GNAQ: variants seen among roughly 807,000 people sequenced by gnomAD.
GNAQ encodes guanine nucleotide-binding protein G(q) subunit alpha.
In GNAQ, 8 loss-of-function variants were observed where a neutral mutation model predicts 43.9. The ratio of observed to expected loss-of-function variants is 0.18; its 90% confidence interval spans 0.11 to 0.33. The LOEUF is 0.33. Among genes scored for constraint, GNAQ ranks in the 10% least tolerant of loss-of-function variants. GNAQ has a pLI of 1.00. For missense variants in GNAQ, 158 were observed against 450.8 expected (o/e 0.35, Z 5.88); for synonymous variants, 155 against 170.7 (o/e 0.91, Z 0.71).
intron 1 of GNAQ, among the ~76,000 whole-genome samples, chr9:77,938,004 T>G (rs11145621): frequency 0.3 from 45,055 of 151,998 alleles, 6,870 homozygotes; most frequent in South Asian, 0.43. Context: ...AAGGGGATTG[T>G]TTCCAGGACA....
intron 3 of GNAQ, among the ~76,000 whole-genome samples, chr9:77,799,112 T>C (rs1045380211): frequency 2.6e-5 from 4 of 152,140 alleles, no homozygotes; most frequent in African/African-American, 7.2e-5. Context: ...TAGAATTGAG[T>C]GGTATCTTCA....
At chr9:77,965,594 G>A (rs778992437) in intron 1 of GNAQ, among the ~76,000 whole-genome samples, 5 of 152,086 alleles carry the variant, frequency 3.3e-5, no homozygotes, top group Non-Finnish European at 7.4e-5. Context: ...AAGCACATGA[G>A]AAACTACTCA....
chr9:77,872,758 T>A (rs546630867), intron 2 of GNAQ, among the ~76,000 whole-genome samples: 17 of 152,310 alleles, frequency 1.1e-4, no homozygotes, highest in Admixed American at 8.5e-4. Context: ...CCTGTTTCTG[T>A]ATTTTTAATA....
chr9:77,941,509 A>AG (rs761647304), intron 1 of GNAQ, among the ~76,000 whole-genome samples: 4 of 152,184 alleles, frequency 2.6e-5, no homozygotes, highest in Non-Finnish European at 5.9e-5. Flanking sequence ...TCGGCCTCCC[A>AG]AAGTGCTGGG....
At chr9:77,863,785 G>A (rs1827900714) in intron 2 of GNAQ, among the ~76,000 whole-genome samples, 2 of 152,150 alleles carry the variant, frequency 1.3e-5, no homozygotes, top group South Asian at 4.1e-4. Flanking sequence ...TACATGGCTG[G>A]CAGCAGGCAA....
chr9:77,919,024 A>T (rs1456633449), intron 2 of GNAQ, among the ~76,000 whole-genome samples: 1 of 152,112 alleles, frequency 6.6e-6, no homozygotes, highest in East Asian at 1.9e-4. Context: ...GGTTCAAGCG[A>T]TTCTCCTGCC....
In GNAQ at chr9:78,024,250, C is replaced by G. The variant is rs567943974; in HGVS notation, c.136+6850G>C. Among the ~76,000 whole-genome samples, 4 of 152,202 alleles carry G rather than the reference C, an allele frequency of 2.6e-5. No individual in the cohort carries two copies. In the South Asian group the frequency reaches 8.3e-4, roughly 32 times the overall value. ...GGAAGGCAAGAAGGCAAAAACTGTT[C>G]CATCTTTAAAACGGAATTCCTTTCA... On this transcript the variant is annotated intron_variant, in intron 1 of 6. Transcript: ENST00000286548.
chr9:77,736,714 T>C (rs1367912467), intron 5 of GNAQ, among the ~76,000 whole-genome samples: 1 of 151,830 alleles, frequency 6.6e-6, no homozygotes, highest in Non-Finnish European at 1.5e-5. Flanking sequence ...GAAGACAGAA[T>C]GAGAGACTGG....
intron 1 of GNAQ, among the ~76,000 whole-genome samples, chr9:77,951,025 C>A (rs1396612136): frequency 6.6e-6 from 1 of 150,768 alleles, no homozygotes; most frequent in African/African-American, 2.4e-5. Flanking sequence ...TATCCTGTAT[C>A]TTCACCCCAG....
chr9:77,737,268 T>G (rs1825588898), intron 5 of GNAQ, among the ~76,000 whole-genome samples: 1 of 152,238 alleles, frequency 6.6e-6, no homozygotes, highest in Non-Finnish European at 1.5e-5. Flanking sequence ...CCAAAGCAAC[T>G]GCCACCACTG....
intron 1 of GNAQ, among the ~76,000 whole-genome samples, chr9:77,988,446 G>A (rs946114250): frequency 6.6e-6 from 1 of 152,144 alleles, no homozygotes; most frequent in Admixed American, 6.5e-5. Flanking sequence ...GATTTGATCT[G>A]GTATCTTCCA....
chr9:77,961,354 CAG>C (rs1320166799), intron 1 of GNAQ, among the ~76,000 whole-genome samples: 2 of 152,066 alleles, frequency 1.3e-5, no homozygotes, highest in African/African-American at 4.8e-5. Context: ...GGTTGAAAAA[CAG>C]AGATCAGAAT....
intron 2 of GNAQ, among the ~76,000 whole-genome samples, chr9:77,844,694 T>C (rs1827550761): frequency 6.6e-6 from 1 of 152,136 alleles, no homozygotes; most frequent in Non-Finnish European, 1.5e-5. Context: ...TTTTTTGAGA[T>C]GGAGTTTCGC....
chr9:77,938,675 C>T (rs777743320), intron 1 of GNAQ, among the ~76,000 whole-genome samples: 1 of 152,086 alleles, frequency 6.6e-6, no homozygotes, highest in Non-Finnish European at 1.5e-5. Flanking sequence ...CCTGGGAATC[C>T]GAGAAAATGG....
In GNAQ at chr9:77,904,911, A is replaced by G. The variant is rs114188898; in HGVS notation, c.321+17250T>C. Reference sequence around the variant, plus strand: ...ACACACACACACAGAGGAAGAAAATACAAAATATAATAAATTATACAAAAG... The same window carrying G: ...ACACACACACACAGAGGAAGAAAATGCAAAATATAATAAATTATACAAAAG... On this transcript the variant is annotated intron_variant, in intron 2 of 6. Coordinates refer to ENST00000286548, the MANE Select transcript of GNAQ (RefSeq NM_002072.5). Among the ~76,000 whole-genome samples, 285 of 152,322 alleles carry G rather than the reference A, an allele frequency of 1.9e-3. 1 individual carries two copies. The highest frequency in any genetic ancestry group is 6.7e-3 in the African/African-American group (279 of 41,570).
At chr9:77,823,775 C>T (rs973725449) in intron 2 of GNAQ, among the ~76,000 whole-genome samples, 14 of 152,100 alleles carry the variant, frequency 9.2e-5, no homozygotes, top group Admixed American at 2.6e-4. Flanking sequence ...TCTGTCCCCA[C>T]GATTCAATCA....
chr9:77,726,203 C>A (rs546907088), intron 6 of GNAQ, among the ~76,000 whole-genome samples: 5 of 152,256 alleles, frequency 3.3e-5, no homozygotes, highest in Admixed American at 6.5e-5. Flanking sequence ...TGATTTGTTT[C>A]CGGGCTAGTG....
At chr9:77,741,366 A>G (rs1050746359) in intron 5 of GNAQ, among the ~76,000 whole-genome samples, 3 of 152,244 alleles carry the variant, frequency 2.0e-5, no homozygotes, top group African/African-American at 7.2e-5. Flanking sequence ...ATTATGTACA[A>G]CAAAGCACAT....
At chr9:77,820,286 G>C (rs1244521330) in intron 2 of GNAQ, among the ~76,000 whole-genome samples, 1 of 152,112 alleles carries the variant, frequency 6.6e-6, no homozygotes, top group Non-Finnish European at 1.5e-5. Context: ...AAAATCTCCT[G>C]CAGAAAACTT....
Sources: allele counts gnomAD v4.1 joint callset (sites outside exome capture counted in the v4.1 genomes callset), GRCh38; gene constraint gnomAD v4.1.1; transcripts MANE v1.5; gene names NCBI Gene and HGNC (gene_info 2026-07-23, HGNC 2026-07-21).